Variants in ALX4 observed in about 807,000 individuals in gnomAD.
ALX4 encodes ALX homeobox 4.
ALX4 carries 22 observed loss-of-function variants against 40.6 expected under a neutral mutation model. The ratio of observed to expected loss-of-function variants is 0.54; its 90% CI spans 0.39 to 0.77. The LOEUF is 0.77. ALX4 is among the 30% of genes least tolerant of loss of function. The pLI is 0.00. For synonymous variants in ALX4, 266 were observed against 240.5 expected, an observed-to-expected ratio of 1.11 and a Z score of -0.98; for missense variants, 556 against 564.8, an observed-to-expected ratio of 0.98 and a Z score of 0.16.
chr11:44,266,786 C>T (rs1202366664), intron 3 of ALX4, among the ~76,000 whole-genome samples: 1 of 152,150 alleles, frequency 6.6e-6, no homozygotes, highest in Non-Finnish European at 1.5e-5. Flanking sequence ...CAATACTTCT[C>T]ATCCCTTGCA....
chr11:44,307,189 G>A lies in ALX4; in HGVS notation c.466+2408C>T, dbSNP rs563848173. Among the ~76,000 whole-genome samples the A allele has an allele frequency of 3.3e-3, 505 of 152,226 alleles. 6 individuals carry two copies. The highest frequency in any genetic ancestry group is 0.011 in the African/African-American group (471 of 41,540). ...GGGGGTTGGGAGGGGCAGGGGTAGC[G>A]GGGGCTCTTGCTCTTGCCTCTTGCT... is the stretch of plus-strand genomic sequence containing the variant. On this transcript the variant is annotated intron_variant, in intron 1 of 3. Coordinates refer to ENST00000652299, the MANE Select transcript of ALX4 (RefSeq NM_021926.4).
intron 1 of ALX4, among the ~76,000 whole-genome samples, chr11:44,301,960 C>A (rs1217863975): frequency 6.6e-6 from 1 of 152,158 alleles, no homozygotes; most frequent in African/African-American, 2.4e-5. Flanking sequence ...TGTTCGAGGG[C>A]CCCAGGATGA....
At chr11:44,301,551 CG>C (rs1956434417) in intron 1 of ALX4, among the ~76,000 whole-genome samples, 1 of 152,198 alleles carries the variant, frequency 6.6e-6, no homozygotes, top group Non-Finnish European at 1.5e-5. Context: ...GAGCTCATGG[CG>C]GGGTCTGCTT....
rs10769025 is a variant in ALX4, at chr11:44,267,885, G to C, written c.778-263C>G. On this transcript the variant is annotated intron_variant, in intron 2 of 3. Coordinates refer to ENST00000652299, the MANE Select transcript of ALX4 (RefSeq NM_021926.4). ...CCAGAACTTTTATTTTTCTAAGCTT[G>C]AGAATCTAGAGCAGCCAAGTGTCAC... Among the ~76,000 whole-genome samples, 89,842 of 152,100 alleles carry C rather than the reference G, an allele frequency of 0.59. 27,225 individuals carry two copies. The highest frequency in any genetic ancestry group is 0.78 in the East Asian group (4,046 of 5,168).
intron 3 of ALX4, among the ~76,000 whole-genome samples, chr11:44,266,467 C>G (rs561574217): frequency 4.6e-5 from 7 of 152,344 alleles, no homozygotes; most frequent in South Asian, 2.1e-4. Flanking sequence ...GGCCTGTGCC[C>G]TGCCCTCCTG....
At chr11:44,287,336 T>C in intron 1 of ALX4, among the ~76,000 whole-genome samples, 1 of 152,260 alleles carries the variant, frequency 6.6e-6, no homozygotes, top group Admixed American at 6.5e-5. Flanking sequence ...AACTGGGCTT[T>C]GTACTTTACA....
At chr11:44,267,765 C>T (rs1019776290) in intron 2 of ALX4, 143 bp from the exon 3 acceptor site, 12 of 1,125,398 alleles carry the variant, frequency 1.1e-5, no homozygotes, top group African/African-American at 9.1e-5. Context: ...TAAATATCAA[C>T]CTTGGTCTTT....
intron 1 of ALX4, among the ~76,000 whole-genome samples, chr11:44,286,639 G>A (rs570239335): frequency 1.3e-5 from 2 of 152,302 alleles, no homozygotes; most frequent in South Asian, 2.1e-4. Context: ...GCCCTACTAC[G>A]CGTCTGCCAC....
chr11:44,293,527 T>C (rs1956385370), intron 1 of ALX4, among the ~76,000 whole-genome samples: 1 of 152,268 alleles, frequency 6.6e-6, no homozygotes, highest in Non-Finnish European at 1.5e-5. Context: ...TTACTACTTC[T>C]TGGCAGGATG....
At chr11:44,272,195 G>A (rs974113039) in intron 2 of ALX4, among the ~76,000 whole-genome samples, 1 of 152,234 alleles carries the variant, frequency 6.6e-6, no homozygotes, top group African/African-American at 2.4e-5. Flanking sequence ...ACATTCATTA[G>A]GCACTGGAGG....
Position 44,262,821 on chromosome 11 carries a change from C to T in ALX4, c.*2033G>A, listed in dbSNP as rs1956190508. On this transcript the variant is annotated 3_prime_UTR_variant, in exon 4 of 4. Transcript: ENST00000652299. Reference sequence around the variant, plus strand: ...GGGAAACTGTTCCCAGCCTTAAGTTCTTCCTTTCCCTGGCTAGATTTTGGG... The same window carrying T: ...GGGAAACTGTTCCCAGCCTTAAGTTTTTCCTTTCCCTGGCTAGATTTTGGG... The T allele has an allele frequency of 6.6e-6, 1 of 152,170 alleles. No homozygotes were observed. The highest frequency in any genetic ancestry group is 6.5e-5 in the Admixed American group (1 of 15,284). 9.4% of individuals were successfully genotyped at this position (152,170 alleles called of 1,614,324 possible). A position where few individuals can be genotyped will look rare whatever the true frequency, so the allele number is the denominator to read the frequency against.
intron 2 of ALX4, among the ~76,000 whole-genome samples, chr11:44,269,692 T>C (rs1178996631): frequency 6.6e-6 from 1 of 152,212 alleles, no homozygotes; most frequent in African/African-American, 2.4e-5. Flanking sequence ...GTCCAGGCCC[T>C]GGCTGCCCAC....
intron 1 of ALX4, among the ~76,000 whole-genome samples, chr11:44,293,136 GA>G (rs1565007406): frequency 2.7e-4 from 17 of 64,034 alleles, no homozygotes; most frequent in African/African-American, 6.2e-4. Flanking sequence ...AGGAAGGAAG[GA>G]AGGAAGGAAG....
rs747334899 is a variant in ALX4, at chr11:44,265,079, G to A, written c.1011C>T (p.His337=). 6 of 1,612,998 alleles carry A rather than the reference G, an allele frequency of 3.7e-6. No homozygotes were observed. The highest frequency in any genetic ancestry group is 5.1e-6 in the Non-Finnish European group (6 of 1,179,920). ...PVPACMSPHA[H]PPGSGASSVT... is the part of the protein sequence containing the mutation. Reference sequence around the variant, plus strand: ...CGCTGCTGGCCCCAGAGCCAGGGGGGTGGGCATGAGGGGACATGCAGGCAG... The same window carrying A: ...CGCTGCTGGCCCCAGAGCCAGGGGGATGGGCATGAGGGGACATGCAGGCAG... The change falls in exon 4 of 4, where the codon CAC becomes CAT. Residue 337 remains histidine, a synonymous_variant. Coordinates refer to ENST00000652299, the MANE Select transcript of ALX4 (RefSeq NM_021926.4).
At chr11:44,293,148 GAAGGAAGGAAGGAAGGAAGGAAGCAGGC>G (rs1565007437) in intron 1 of ALX4, among the ~76,000 whole-genome samples, 4 of 76,204 alleles carry the variant, frequency 5.2e-5, no homozygotes, top group Admixed American at 1.4e-4. Context: ...AGGAAGGAAG[GAAGGAAGGAAGGAAGGAAGGAAGCAGGC>G]AGGCAGGGAG....
chr11:44,275,424 T>C lies in ALX4; in HGVS notation c.701A>G (p.Gln234Arg), dbSNP rs754454206. The change falls in exon 2 of 4, where the codon CAG becomes CGG. Residue 234 changes from glutamine (Q) to arginine (R), a missense_variant. Physicochemically the swap from Gln to Arg is conservative, Grantham distance 43. Transcript: ENST00000652299. ...ATACACGTCTGGGTAGTGGGTCTTC[T>C]GGAAGACCTTCTCCAGCTCCTCCAG... ...YQLEELEKVF[Q>R]KTHYPDVYAR... 4 of 1,614,090 alleles carry C rather than the reference T, an allele frequency of 2.5e-6. No homozygotes were observed. In the Admixed American group the frequency reaches 6.7e-5, roughly 27 times the overall value.
Position 44,264,853 on chromosome 11 carries a change from G to A in ALX4, c.*1C>T. On this transcript the variant is annotated 3_prime_UTR_variant, in exon 4 of 4. Coordinates refer to ENST00000652299, the MANE Select transcript of ALX4 (RefSeq NM_021926.4). ...GGTGGGGACGGGGCAGGGGTGCCCTGTCATGTGGCCCAGGAAATGGCCGCA... is the reference window on the plus strand; with the variant it reads ...GGTGGGGACGGGGCAGGGGTGCCCTATCATGTGGCCCAGGAAATGGCCGCA... 1.2e-6 allele frequency: 2 copies of A among 1,612,702 alleles called. No individual in the cohort carries two copies. The highest frequency in any genetic ancestry group is 2.2e-5 in the South Asian group (2 of 91,058).
At position 44,307,131 on chromosome 11, in the gene ALX4, G is replaced by A. The variant is rs11826827; in HGVS notation, c.466+2466C>T. Among the ~76,000 whole-genome samples the A allele has an allele frequency of 5.5e-3, 836 of 151,748 alleles. 6 individuals carry two copies. The highest frequency in any genetic ancestry group is 0.019 in the African/African-American group (803 of 41,332). ...AATTGGGTGCTCTCGAGTTCCCAGC[G>A]GCTCGGAGATAGATAGGGATGGAAA... On this transcript the variant is annotated intron_variant, in intron 1 of 3. Coordinates refer to ENST00000652299, the MANE Select transcript of ALX4 (RefSeq NM_021926.4).
intron 1 of ALX4, among the ~76,000 whole-genome samples, chr11:44,279,214 C>CT (rs1956294962): frequency 6.6e-6 from 1 of 152,198 alleles, no homozygotes; most frequent in African/African-American, 2.4e-5. Flanking sequence ...TGTCTGTCTC[C>CT]TGTAGGTCTG....
Sources: gnomAD v4.1 joint callset for allele counts (sites outside exome capture counted in the v4.1 genomes callset) on GRCh38, gnomAD v4.1.1 for gene constraint, MANE v1.5 for transcripts, NCBI Gene and HGNC (gene_info 2026-07-23, HGNC 2026-07-21) for gene names.